The following SLC35A3 variants were observed in gnomAD, a reference collection of about 807,000 sequenced individuals.
The protein encoded by SLC35A3 is UDP-N-acetylglucosamine transporter.
A neutral mutation model predicts 39.0 loss-of-function variants in SLC35A3; 26 were observed. That is an observed-to-expected ratio of 0.67 (90% CI 0.49 to 0.92). The LOEUF (loss-of-function observed/expected upper bound fraction) is 0.92, where lower values mean the gene tolerates loss of function less well. SLC35A3 is among the 40% of genes least tolerant of loss of function. The pLI, the probability that SLC35A3 is intolerant of heterozygous loss-of-function variation, is 0.00. For missense variants in SLC35A3, 299 were observed against 371.6 expected (o/e 0.80, Z 1.61); for synonymous variants, 135 against 133.1 (o/e 1.01, Z -0.10).
rs1661313894 is a variant in SLC35A3, at chr1:100,032,805, A to G, written c.*10329A>G. The G allele has an allele frequency of 1.3e-5, 2 of 151,942 alleles. No homozygotes were observed. The highest frequency in any genetic ancestry group is 1.3e-4 in the Admixed American group (2 of 15,260). The allele number at this position is 151,942 out of a possible 1,614,324, so 9.4% of individuals were successfully genotyped here. A position where few individuals can be genotyped will look rare whatever the true frequency, so the allele number is the denominator to read the frequency against. ...CGTGATCCACCCGCCTCGGCCTCCC[A>G]AAGTGCTGGGATTACAGGCATGAGC... On this transcript the variant is annotated 3_prime_UTR_variant, in exon 8 of 8. Coordinates refer to ENST00000533028, the MANE Select transcript of SLC35A3 (RefSeq NM_012243.3).
chr1:100,003,396 A>T (rs1658957904), intron 3 of SLC35A3, among the ~76,000 whole-genome samples: 1 of 149,156 alleles, frequency 6.7e-6, no homozygotes. Context: ...AGCCTGGGCA[A>T]CAAGATTGAA....
intron 3 of SLC35A3, among the ~76,000 whole-genome samples, chr1:100,000,948 C>T (rs1332330180): frequency 6.6e-6 from 1 of 151,990 alleles, no homozygotes; most frequent in East Asian, 1.9e-4. Flanking sequence ...TTCTCAGCGT[C>T]ATTTATCGAA....
At chr1:100,010,129 G>T (rs539015477) in intron 4 of SLC35A3, among the ~76,000 whole-genome samples, 35 of 152,260 alleles carry the variant, frequency 2.3e-4, no homozygotes, top group African/African-American at 7.5e-4. Context: ...TAAATATAGC[G>T]ATGACCCTAT....
intron 2 of SLC35A3, among the ~76,000 whole-genome samples, chr1:99,997,454 A>ATATATATATG (rs1658487367): frequency 1.1e-5 from 1 of 95,068 alleles, no homozygotes; most frequent in Non-Finnish European, 2.4e-5. Context: ...ATATATATAT[A>ATATATATATG]TATGGATCTT....
rs1271848155 is a variant in SLC35A3 at position 100,027,742 on chromosome 1, T to G, written c.*5266T>G. ...TGAAGTAACCTTACACAAAATACTTTGTAAAAAAATCACTAAAGTGCCAGC... is the reference window on the plus strand; with the variant it reads ...TGAAGTAACCTTACACAAAATACTTGGTAAAAAAATCACTAAAGTGCCAGC... On this transcript the variant is annotated 3_prime_UTR_variant, in exon 8 of 8. Coordinates refer to ENST00000533028, the MANE Select transcript of SLC35A3 (RefSeq NM_012243.3). 1.3e-5 allele frequency: 2 copies of G among 152,154 alleles called. No individual in the cohort carries two copies. Among genetic ancestry groups the G allele is most frequent in the East Asian group, 1.9e-4 (1 of 5,200 alleles). The allele number at this position is 152,154 out of a possible 1,614,324, so 9.4% of individuals were successfully genotyped here. A position where few individuals can be genotyped will look rare whatever the true frequency, so the allele number is the denominator to read the frequency against.
At chr1:99,991,281 A>T (rs2101117116) in intron 1 of SLC35A3, among the ~76,000 whole-genome samples, 1 of 152,192 alleles carries the variant, frequency 6.6e-6, no homozygotes, top group East Asian at 1.9e-4. Flanking sequence ...AGTAGCTGGG[A>T]TTACAGGTGC....
chr1:99,982,316 A>G (rs1465758161), intron 1 of SLC35A3, among the ~76,000 whole-genome samples: 1 of 152,074 alleles, frequency 6.6e-6, no homozygotes, highest in Non-Finnish European at 1.5e-5. Context: ...TCTATTTTTG[A>G]AAAGATGAAT....
chr1:100,005,156 GGC>G (rs1347489874), intron 3 of SLC35A3, among the ~76,000 whole-genome samples: 1 of 151,936 alleles, frequency 6.6e-6, no homozygotes, highest in Non-Finnish European at 1.5e-5. Flanking sequence ...ATTCTCTCCT[GGC>G]CTATAATGTT....
intron 2 of SLC35A3, among the ~76,000 whole-genome samples, chr1:99,994,776 G>GT (rs1250701800): frequency 1.3e-5 from 2 of 152,142 alleles, no homozygotes; most frequent in Non-Finnish European, 2.9e-5. Context: ...AGATGTACAA[G>GT]TATCTGTTCG....
In SLC35A3 at chr1:100,026,197, A is replaced by G. The variant is rs2101530109; in HGVS notation, c.*3721A>G. ...TTGAACTTTAAAAATTTCATTGTAT[A>G]GTCATTAAACTGAGTTGGGTTTTTT... On this transcript the variant is annotated 3_prime_UTR_variant, in exon 8 of 8. Transcript: ENST00000533028. 6.6e-6 allele frequency: 1 copy of G among 152,324 alleles called. No homozygotes were observed. The highest frequency in any genetic ancestry group is 2.1e-4 in the South Asian group (1 of 4,834). 9.4% of individuals were successfully genotyped at this position (152,324 alleles called of 1,614,324 possible).
At chr1:100,001,089 CA>C (rs1658758497) in intron 3 of SLC35A3, among the ~76,000 whole-genome samples, 1 of 152,062 alleles carries the variant, frequency 6.6e-6, no homozygotes, top group Non-Finnish European at 1.5e-5. Flanking sequence ...AAACAAATTC[CA>C]TGCTATTTTG....
chr1:99,971,473 A>AT (rs1372988076), intron 1 of SLC35A3, among the ~76,000 whole-genome samples: 3 of 151,756 alleles, frequency 2.0e-5, no homozygotes, highest in Admixed American at 6.6e-5. Context: ...CGCCCGGCTA[A>AT]TTTTTTTGTA....
chr1:100,005,003 C>T (rs559900749), intron 3 of SLC35A3, among the ~76,000 whole-genome samples: 1 of 152,266 alleles, frequency 6.6e-6, no homozygotes, highest in East Asian at 1.9e-4. Flanking sequence ...GTGATCTGCC[C>T]ACCTCGGCCA....
chr1:99,997,563 ATATTTATT>A (rs572545901), intron 2 of SLC35A3, among the ~76,000 whole-genome samples: 5 of 145,878 alleles, frequency 3.4e-5, no homozygotes, highest in South Asian at 2.1e-4. Context: ...TATATATTAT[ATATTTATT>A]TATTTATTTA....
chr1:100,021,876 T>C (rs1660574623), intron 7 of SLC35A3, among the ~76,000 whole-genome samples: 1 of 152,208 alleles, frequency 6.6e-6, no homozygotes. Context: ...ATCTTGGATT[T>C]TAAACTAAAC....
At chr1:99,992,732 C>CT (rs1254629308) in intron 1 of SLC35A3, among the ~76,000 whole-genome samples, 10 of 151,996 alleles carry the variant, frequency 6.6e-5, no homozygotes, top group Admixed American at 2.6e-4. Flanking sequence ...AAGTTGAGAC[C>CT]TTTTTTCTGT....
At chr1:99,988,776 C>CTTTTTG (rs200322614) in intron 1 of SLC35A3, among the ~76,000 whole-genome samples, 2,017 of 151,178 alleles carry the variant, frequency 0.013, 19 homozygotes, top group Middle Eastern at 0.058. Flanking sequence ...CTCCTATACT[C>CTTTTTG]TTTTTATTTG....
intron 2 of SLC35A3, 108 bp from the exon 3 acceptor site, chr1:99,999,153 G>A (rs973243405): frequency 5.6e-6 from 3 of 534,976 alleles, no homozygotes; most frequent in Non-Finnish European, 9.6e-6. Context: ...ATCTTGACAT[G>A]TAGCTCAATT....
At chr1:99,995,959 G>A (rs1338071989) in intron 2 of SLC35A3, among the ~76,000 whole-genome samples, 2 of 152,230 alleles carry the variant, frequency 1.3e-5, no homozygotes, top group Non-Finnish European at 2.9e-5. Context: ...ATGAGCAGAA[G>A]TATTCACTGC....
Sources: gnomAD v4.1 joint callset for allele counts (sites outside exome capture counted in the v4.1 genomes callset) on GRCh38, gnomAD v4.1.1 for gene constraint, MANE v1.5 for transcripts, NCBI Gene and HGNC (gene_info 2026-07-23, HGNC 2026-07-21) for gene names.